Variants in CDKAL1 observed in about 807,000 individuals in gnomAD.
The protein encoded by CDKAL1 is CDKAL1 threonylcarbamoyladenosine tRNA methylthiotransferase.
Under a neutral mutation model 68.2 loss-of-function variants are expected in CDKAL1, and 32 were observed. That is an observed-to-expected ratio of 0.47 (90% CI 0.35 to 0.63). The LOEUF is 0.63. CDKAL1 is among the 30% of genes least tolerant of loss of function. The pLI, the probability that CDKAL1 is intolerant of heterozygous loss-of-function variation, is 0.00. For missense variants in CDKAL1, 606 were observed against 696.7 expected, an observed-to-expected ratio of 0.87 and a Z score of 1.47; for synonymous variants, 234 against 244.3, an observed-to-expected ratio of 0.96 and a Z score of 0.39.
intron 5 of CDKAL1, among the ~76,000 whole-genome samples, chr6:20,711,574 A>G (rs1354916618): frequency 6.6e-6 from 1 of 152,196 alleles, no homozygotes; most frequent in Non-Finnish European, 1.5e-5. Flanking sequence ...TTGATGAAAG[A>G]AAGTTTGGAT....
At chr6:20,798,601 A>G (rs985950530) in intron 8 of CDKAL1, among the ~76,000 whole-genome samples, 1 of 152,140 alleles carries the variant, frequency 6.6e-6, no homozygotes, top group African/African-American at 2.4e-5. Context: ...TGATGAGTTC[A>G]CATCCTTTGT....
At chr6:20,568,949 C>G (rs545550662) in intron 4 of CDKAL1, among the ~76,000 whole-genome samples, 5 of 152,120 alleles carry the variant, frequency 3.3e-5, no homozygotes, top group Non-Finnish European at 7.3e-5. Flanking sequence ...TCTCATTAGA[C>G]TGATCTTGAG....
At chr6:21,216,052 T>C (rs779393078) in intron 15 of CDKAL1, among the ~76,000 whole-genome samples, 22 of 152,134 alleles carry the variant, frequency 1.4e-4, no homozygotes, top group Admixed American at 3.3e-4. Context: ...GGAAGCAGGC[T>C]GTGAGCCTAG....
chr6:20,987,262 C>CTTTT (rs1392710913), intron 10 of CDKAL1, among the ~76,000 whole-genome samples: 4 of 135,906 alleles, frequency 2.9e-5, no homozygotes, highest in African/African-American at 8.2e-5. Flanking sequence ...TGTCTGGAAA[C>CTTTT]TTTTTTTTTT....
intron 8 of CDKAL1, among the ~76,000 whole-genome samples, chr6:20,824,313 C>T (rs751213629): frequency 1.4e-4 from 22 of 152,100 alleles, no homozygotes; most frequent in Non-Finnish European, 2.9e-4. Flanking sequence ...TAACTGCGAA[C>T]GTTGCTGCTT....
At chr6:20,622,608 T>G (rs1767244031) in intron 4 of CDKAL1, among the ~76,000 whole-genome samples, 1 of 152,110 alleles carries the variant, frequency 6.6e-6, no homozygotes, top group African/African-American at 2.4e-5. Context: ...TTGATGTTGT[T>G]CTTTGCTTAT....
At chr6:21,054,129 A>G (rs374228354) in intron 11 of CDKAL1, among the ~76,000 whole-genome samples, 23 of 152,256 alleles carry the variant, frequency 1.5e-4, no homozygotes, top group African/African-American at 5.5e-4. Flanking sequence ...ATTTTTGTGT[A>G]TAATGTAAGG....
At chr6:20,644,742 G>GT in intron 4 of CDKAL1, among the ~76,000 whole-genome samples, 1 of 152,226 alleles carries the variant, frequency 6.6e-6, no homozygotes, top group Non-Finnish European at 1.5e-5. Context: ...TATTTGTTGG[G>GT]TGGGGGGGTT....
At chr6:20,857,186 T>G (rs1759379336) in intron 9 of CDKAL1, among the ~76,000 whole-genome samples, 1 of 152,192 alleles carries the variant, frequency 6.6e-6, no homozygotes, top group Admixed American at 6.5e-5. Flanking sequence ...TTCTTGTTAT[T>G]TGTAATATAA....
chr6:20,664,496 C>T (rs1020562652), intron 5 of CDKAL1, among the ~76,000 whole-genome samples: 4 of 152,078 alleles, frequency 2.6e-5, no homozygotes, highest in Admixed American at 6.6e-5. Context: ...TCCTTAAGTA[C>T]CTGTCAGTAT....
intron 4 of CDKAL1, among the ~76,000 whole-genome samples, chr6:20,627,361 T>A (rs1767478556): frequency 6.6e-6 from 1 of 152,206 alleles, no homozygotes; most frequent in African/African-American, 2.4e-5. Flanking sequence ...AAATATACCA[T>A]ACTCTGTAGG....
intron 6 of CDKAL1, among the ~76,000 whole-genome samples, chr6:20,753,641 G>A (rs955194681): frequency 6.6e-6 from 1 of 152,154 alleles, no homozygotes; most frequent in Non-Finnish European, 1.5e-5. Flanking sequence ...TCTTAGTGAT[G>A]CGTTGCTGTA....
intron 10 of CDKAL1, among the ~76,000 whole-genome samples, chr6:20,977,341 A>G (rs1273535906): frequency 6.6e-6 from 1 of 152,242 alleles, no homozygotes; most frequent in Non-Finnish European, 1.5e-5. Flanking sequence ...ACACTTTGGT[A>G]CAGTTTAGTT....
intron 11 of CDKAL1, among the ~76,000 whole-genome samples, chr6:21,019,273 G>T (rs1768504327): frequency 6.6e-6 from 1 of 152,112 alleles, no homozygotes. Context: ...GTTAGGTGGT[G>T]CTGGTTTTTT....
chr6:20,934,899 C>CT (rs1428724727), intron 9 of CDKAL1, among the ~76,000 whole-genome samples: 7 of 106,156 alleles, frequency 6.6e-5, no homozygotes, highest in African/African-American at 2.6e-4. Flanking sequence ...CCGCCTTATA[C>CT]ATTTTTTTTT....
chr6:20,692,296 A>G (rs1161479541), intron 5 of CDKAL1, among the ~76,000 whole-genome samples: 1 of 152,226 alleles, frequency 6.6e-6, no homozygotes, highest in African/African-American at 2.4e-5. Flanking sequence ...AAGTGTTCTC[A>G]GTTTGTTACT....
intron 4 of CDKAL1, among the ~76,000 whole-genome samples, chr6:20,629,250 C>T (rs1009419580): frequency 1.3e-5 from 2 of 152,154 alleles, no homozygotes; most frequent in Non-Finnish European, 1.5e-5. Context: ...TCAAGTTATA[C>T]ATCTTTGGCG....
intron 15 of CDKAL1, among the ~76,000 whole-genome samples, chr6:21,224,048 G>A (rs1017190484): frequency 1.1e-4 from 16 of 152,134 alleles, no homozygotes; most frequent in African/African-American, 3.9e-4. Context: ...GTTTAGCTCT[G>A]CCTGAACTGA....
In CDKAL1 at chr6:20,674,119, A is replaced by T. The variant is rs542355488; in HGVS notation, c.371+24742A>T. Among the ~76,000 whole-genome samples, 5 of 151,948 alleles carry T rather than the reference A, an allele frequency of 3.3e-5. No individual in the cohort carries two copies. The East Asian group carries it at 9.7e-4, about 29-fold the overall frequency. On this transcript the variant is annotated intron_variant, in intron 5 of 15. Transcript: ENST00000274695. Reference sequence around the variant, plus strand: ...TCTTACTGAACTTTTTTATAGTTTGAGTTAATTTTTATCATTCATTTTTTT... The same window carrying T: ...TCTTACTGAACTTTTTTATAGTTTGTGTTAATTTTTATCATTCATTTTTTT...
Sources: gnomAD v4.1 joint callset for allele counts (sites outside exome capture counted in the v4.1 genomes callset) on GRCh38, gnomAD v4.1.1 for gene constraint, MANE v1.5 for transcripts, NCBI Gene and HGNC (gene_info 2026-07-23, HGNC 2026-07-21) for gene names.